KLF8: variants seen among roughly 807,000 people sequenced by gnomAD.
KLF8 encodes KLF transcription factor 8.
KLF8 carries 10 observed loss-of-function variants against 18.2 expected under a neutral mutation model. The observed-to-expected ratio is 0.55, with a 90% CI of 0.34 to 0.93. KLF8 has a LOEUF of 0.93. KLF8 is among the 40% of genes least tolerant of loss of function. The pLI is 0.02. For missense variants in KLF8, 264 were observed against 277.9 expected (o/e 0.95, Z 0.36); for synonymous variants, 109 against 97.3 (o/e 1.12, Z -0.71).
At chrX:55,967,671 G>A in the KLF8 span, among the ~76,000 whole-genome samples, 11 of 111,293 alleles carry the variant, frequency 9.9e-5, no homozygotes. Flanking sequence ...TAATCTGAAG[G>A]TACAAAACTC....
At chrX:56,221,281 T>C in the KLF8 span, among the ~76,000 whole-genome samples, 1 of 112,136 alleles carries the variant, frequency 8.9e-6, no homozygotes, top group Non-Finnish European at 1.9e-5. Context: ...ACTTCGGTCA[T>C]GATTAGAGGC....
chrX:56,031,693 G>A, the KLF8 span, among the ~76,000 whole-genome samples: 1 of 111,623 alleles, frequency 9.0e-6, no homozygotes, highest in South Asian at 3.8e-4. Flanking sequence ...CAGTCACCTC[G>A]TTTCCCAGTC....
the KLF8 span, among the ~76,000 whole-genome samples, chrX:56,169,207 C>A: frequency 9.0e-6 from 1 of 111,418 alleles, no homozygotes; most frequent in East Asian, 2.8e-4. Context: ...CAGGTAGTAA[C>A]CCATAGACCT....
Position 56,232,887 on chromosome X carries a change from A to C in KLF8, c.-448A>C. 1 of 122,040 alleles carries C rather than the reference A, an allele frequency of 8.2e-6. No individual in the cohort carries two copies. The highest frequency in any genetic ancestry group is 2.1e-4 in the East Asian group (1 of 4,765). The allele number at this position is 122,040 out of a possible 1,213,427, so 10.1% of individuals were successfully genotyped here. A position where few individuals can be genotyped will look rare whatever the true frequency, so the allele number is the denominator to read the frequency against. On this transcript the variant is annotated 5_prime_UTR_variant, in exon 1 of 6. An upstream start codon of the reference 5' UTR is lost. Transcript: ENST00000468660. ...TTAAAGGGTGTGTGGAGTTCAGAGG[A>C]TGGGTGGAGAGCGGGCTTGGCCGGA... is the stretch of plus-strand genomic sequence containing the variant.
At chrX:56,187,341 C>A in the KLF8 span, among the ~76,000 whole-genome samples, 22 of 111,531 alleles carry the variant, frequency 2.0e-4, no homozygotes, top group South Asian at 1.5e-3. Context: ...TGAATCTCTG[C>A]ATAGACCAAT....
the KLF8 span, among the ~76,000 whole-genome samples, chrX:56,222,995 C>T: frequency 8.9e-6 from 1 of 112,938 alleles, no homozygotes; most frequent in Admixed American, 9.2e-5. Context: ...CAGGAAGGGG[C>T]TCCCACAGTG....
chrX:56,084,814 A>G, the KLF8 span, among the ~76,000 whole-genome samples: 1 of 112,172 alleles, frequency 8.9e-6, no homozygotes, highest in Non-Finnish European at 1.9e-5. Flanking sequence ...CACATGAAGG[A>G]AAAAAAGTGT....
the KLF8 span, among the ~76,000 whole-genome samples, chrX:56,052,314 A>T: frequency 4.5e-5 from 5 of 112,135 alleles, no homozygotes; most frequent in South Asian, 1.1e-3. Context: ...GCTGGTGAGG[A>T]CCTGTGTTCC....
the KLF8 span, among the ~76,000 whole-genome samples, chrX:56,139,583 G>A: frequency 9.0e-6 from 1 of 111,392 alleles, no homozygotes; most frequent in Non-Finnish European, 1.9e-5. Flanking sequence ...ATGGTGCTGT[G>A]ATTGAAATTG....
chrX:56,095,327 T>C, the KLF8 span, among the ~76,000 whole-genome samples: 2 of 112,722 alleles, frequency 1.8e-5, no homozygotes, highest in South Asian at 7.1e-4. Flanking sequence ...TAACTCAAGA[T>C]GGTTTAATAC....
the KLF8 span, among the ~76,000 whole-genome samples, chrX:56,111,892 A>T: frequency 6.2e-5 from 7 of 112,055 alleles, no homozygotes; most frequent in Non-Finnish European, 1.3e-4. Context: ...TGGGAGTGTA[A>T]ATTAGTTCAA....
chrX:56,174,622 A>G, the KLF8 span, among the ~76,000 whole-genome samples: 2 of 111,857 alleles, frequency 1.8e-5, no homozygotes, highest in African/African-American at 6.5e-5. Context: ...AAATGAGTTA[A>G]GGAGGATTCC....
the KLF8 span, chrX:55,961,635 T>C: frequency 2.4e-6 from 1 of 420,904 alleles, no homozygotes; most frequent in Non-Finnish European, 4.5e-6. Flanking sequence ...GAGCCTGTTT[T>C]CTGCAAAGAT....
Position 56,259,430 on chromosome X carries a change from A to G in KLF8, c.82-5750A>G, listed in dbSNP as rs1439756461. On this transcript the variant is annotated intron_variant, in intron 2 of 5. Coordinates refer to ENST00000468660, the MANE Select transcript of KLF8 (RefSeq NM_007250.5). ...GCTGGGCTGCTTTCTCAGGGTTCAT[A>G]CATTTCTGTGCCACTTTTCCCCACA... Among the ~76,000 whole-genome samples, 3 of 110,001 alleles carry G rather than the reference A, an allele frequency of 2.7e-5. No homozygotes were observed. The East Asian group carries it at 8.5e-4, about 31-fold the overall frequency.
the KLF8 span, among the ~76,000 whole-genome samples, chrX:56,032,047 A>G: frequency 2.7e-5 from 3 of 111,054 alleles, no homozygotes; most frequent in Non-Finnish European, 3.8e-5. Context: ...TTGAATTTTA[A>G]CTACCAGGTT....
At chrX:56,033,826 C>T in the KLF8 span, among the ~76,000 whole-genome samples, 1 of 112,138 alleles carries the variant, frequency 8.9e-6, no homozygotes, top group Admixed American at 9.4e-5. Context: ...AATGTCTTTT[C>T]AGATCTTTTG....
chrX:56,109,394 CAAA>C, the KLF8 span, among the ~76,000 whole-genome samples: 3 of 72,019 alleles, frequency 4.2e-5, no homozygotes, highest in Non-Finnish European at 2.8e-5. Flanking sequence ...AACTCTATCT[CAAA>C]AAAAAAAAAA....
the KLF8 span, chrX:55,961,508 T>C: frequency 7.3e-6 from 4 of 550,137 alleles, no homozygotes; most frequent in South Asian, 9.0e-5. Context: ...ATTGGGGGTC[T>C]GGCTGAATTT....
At chrX:56,050,233 A>C in the KLF8 span, among the ~76,000 whole-genome samples, 1 of 111,093 alleles carries the variant, frequency 9.0e-6, no homozygotes, top group African/African-American at 3.3e-5. Context: ...TGGATTCATT[A>C]ATTTTTTTAA....
Sources: allele counts gnomAD v4.1 joint callset (sites outside exome capture counted in the v4.1 genomes callset), GRCh38; gene constraint gnomAD v4.1.1; transcripts MANE v1.5; gene names NCBI Gene and HGNC (gene_info 2026-07-23, HGNC 2026-07-21).